Variants in VCPIP1 observed in about 807,000 individuals in gnomAD.
VCPIP1 encodes the protein valosin containing protein interacting protein 1, also known as deubiquitinating protein VCPIP1.
Under a neutral mutation model 85.0 loss-of-function variants are expected in VCPIP1, and 8 were observed. The ratio of observed to expected loss-of-function variants is 0.09; its 90% confidence interval spans 0.06 to 0.17. VCPIP1 has a LOEUF of 0.17. Ranked by LOEUF, VCPIP1 falls within the 10% of genes least tolerant of loss-of-function variation. The pLI is 1.00. For missense variants in VCPIP1, 1,070 were observed against 1,486.3 expected (o/e 0.72, Z 4.61); for synonymous variants, 543 against 544.5 (o/e 1.00, Z 0.04).
intron 2 of VCPIP1, among the ~76,000 whole-genome samples, chr8:66,648,709 C>G (rs1473632870): frequency 1.3e-5 from 2 of 152,080 alleles, no homozygotes; most frequent in African/African-American, 4.8e-5. Flanking sequence ...CGTGCACCAC[C>G]ACACCCGGCT....
At chr8:66,654,679 C>T (rs547965768) in intron 1 of VCPIP1, among the ~76,000 whole-genome samples, 42 of 152,326 alleles carry the variant, frequency 2.8e-4, no homozygotes, top group African/African-American at 9.6e-4. Flanking sequence ...TGACACTTTG[C>T]ACAAGTCCTG....
In VCPIP1 at chr8:66,633,106, C is replaced by G. The variant is rs1263830644; in HGVS notation, c.*1395G>C. The G allele has an allele frequency of 6.6e-6, 1 of 152,446 alleles. No homozygotes were observed. Among genetic ancestry groups the G allele is most frequent in the East Asian group, 1.9e-4 (1 of 5,202 alleles). 9.4% of individuals were successfully genotyped at this position (152,446 alleles called of 1,614,324 possible). On this transcript the variant is annotated 3_prime_UTR_variant, in exon 3 of 3. Coordinates refer to ENST00000310421, the MANE Select transcript of VCPIP1 (RefSeq NM_025054.5). ...ACACAAGTTAAAGTACTGTCTATAT[C>G]CCTTATGAATCAACAGGCAGAGATT...
intron 2 of VCPIP1, among the ~76,000 whole-genome samples, chr8:66,639,659 A>G (rs1201531731): frequency 6.6e-6 from 1 of 152,224 alleles, no homozygotes; most frequent in Non-Finnish European, 1.5e-5. Flanking sequence ...CTTTCCAAAA[A>G]TGAAGAACAG....
intron 2 of VCPIP1, among the ~76,000 whole-genome samples, chr8:66,636,784 G>A (rs1810891691): frequency 6.6e-6 from 1 of 151,910 alleles, no homozygotes; most frequent in Admixed American, 6.6e-5. Context: ...GAACCCAAGA[G>A]GCGGAGGCTG....
chr8:66,645,874 A>G (rs1313720713), intron 2 of VCPIP1, among the ~76,000 whole-genome samples: 1 of 152,034 alleles, frequency 6.6e-6, no homozygotes, highest in African/African-American at 2.4e-5. Context: ...ACGATGCAGT[A>G]AACTGTGATT....
chr8:66,636,894 A>C (rs1355551172), intron 2 of VCPIP1, among the ~76,000 whole-genome samples: 7 of 152,056 alleles, frequency 4.6e-5, no homozygotes, highest in Admixed American at 2.0e-4. Flanking sequence ...GATGCCTGAT[A>C]TATACAGTAA....
rs1810867934 is a variant in VCPIP1, at chr8:66,634,789, T to C, written c.3381A>G (p.Gln1127=). The change falls in exon 3 of 3, where the codon CAA becomes CAG. Residue 1127 remains glutamine, a synonymous_variant. Coordinates refer to ENST00000310421, the MANE Select transcript of VCPIP1 (RefSeq NM_025054.5). ...GATCAGATGGTGACTGCTCTGTACT[T>C]TGATCCCGAAGGTGCCTGTCCATTG... The part of the protein sequence containing the change: ...QASMDRHLRD[Q]STEQSPSDLP... 1.9e-6 allele frequency: 3 copies of C among 1,614,240 alleles called. No individual in the cohort carries two copies. In the South Asian group the frequency reaches 3.3e-5, roughly 18 times the overall value.
intron 1 of VCPIP1, among the ~76,000 whole-genome samples, chr8:66,652,735 T>G (rs1456889699): frequency 1.3e-5 from 2 of 152,056 alleles, no homozygotes; most frequent in Non-Finnish European, 2.9e-5. Flanking sequence ...AGTAAGAAAT[T>G]TCAAATAAAA....
chr8:66,651,663 G>C (rs1229560610), intron 1 of VCPIP1, 119 bp from the exon 2 acceptor site: 1 of 673,078 alleles, frequency 1.5e-6, no homozygotes, highest in Non-Finnish European at 2.5e-6. Context: ...GAGTGAAACA[G>C]CCTGACACGC....
intron 1 of VCPIP1, among the ~76,000 whole-genome samples, chr8:66,663,576 T>C (rs953631757): frequency 8.5e-5 from 13 of 152,228 alleles, no homozygotes; most frequent in Non-Finnish European, 1.6e-4. Context: ...CTTTAATTTA[T>C]GCTGATTAAA....
intron 2 of VCPIP1, among the ~76,000 whole-genome samples, chr8:66,641,439 T>C (rs1227453146): frequency 3.9e-5 from 6 of 152,126 alleles, no homozygotes; most frequent in Non-Finnish European, 5.9e-5. Context: ...AGTGCAATCA[T>C]AGCTCACTGC....
chr8:66,664,098 A>G, intron 1 of VCPIP1, 151 bp downstream of exon 1: 1 of 1,041,938 alleles, frequency 9.6e-7, no homozygotes, highest in South Asian at 2.8e-5. Context: ...ACATCTATCA[A>G]CTGTTCAAAA....
chr8:66,656,440 G>A (rs1198630001), intron 1 of VCPIP1, among the ~76,000 whole-genome samples: 1 of 152,134 alleles, frequency 6.6e-6, no homozygotes, highest in Admixed American at 6.5e-5. Context: ...CCATCCTCCT[G>A]CCTTGGCCTC....
At chr8:66,647,346 CA>C (rs1350169731) in intron 2 of VCPIP1, among the ~76,000 whole-genome samples, 1 of 151,396 alleles carries the variant, frequency 6.6e-6, no homozygotes, top group Non-Finnish European at 1.5e-5. Flanking sequence ...ATCTCAAAAA[CA>C]TAAGTAAGTA....
Position 66,633,971 on chromosome 8 carries a change from T to C in VCPIP1, c.*530A>G, listed in dbSNP as rs16932996. ...AGATATTTTCGCCAAGAAATCTCTA[T>C]GAATGTGTTTACGTTCATAGAAACA... On this transcript the variant is annotated 3_prime_UTR_variant, in exon 3 of 3. Coordinates refer to ENST00000310421, the MANE Select transcript of VCPIP1 (RefSeq NM_025054.5). 12,489 of 152,292 alleles carry C rather than the reference T, an allele frequency of 0.082. 1,028 individuals are homozygous for C. The highest frequency in any genetic ancestry group is 0.2 in the African/African-American group (8,455 of 41,520). 9.4% of individuals were successfully genotyped at this position (152,292 alleles called of 1,614,324 possible).
chr8:66,634,706 G>T lies in VCPIP1; in HGVS notation c.3464C>A (p.Thr1155Asn), dbSNP rs180682000. Residue 1155 changes from threonine (T) to asparagine (N), a missense_variant, in exon 3 of 3, where the codon ACT becomes AAT. Transcript: ENST00000310421. ...SSSAKSGSLQ[T>N]GLPESFPLTG... ...TAAAGGAAAAGATTCAGGCAAACCA[G>T]TCTGAAGACTCCCAGACTTTGCAGA... The T allele has an allele frequency of 6.2e-7, 1 of 1,614,182 alleles. No individual in the cohort carries two copies. Among genetic ancestry groups the T allele is most frequent in the East Asian group, 2.2e-5 (1 of 44,888 alleles).
In VCPIP1 at chr8:66,664,747, C is replaced by G. The variant is rs1249532461; in HGVS notation, c.2212G>C (p.Glu738Gln). 3 of 1,612,648 alleles carry G rather than the reference C, an allele frequency of 1.9e-6. No homozygotes were observed. Among genetic ancestry groups the G allele is most frequent in the South Asian group, 1.1e-5 (1 of 90,954 alleles). Residue 738 changes from glutamate (E) to glutamine (Q), a missense_variant, in exon 1 of 3, where the codon GAA becomes CAA. Coordinates refer to ENST00000310421, the MANE Select transcript of VCPIP1 (RefSeq NM_025054.5). The part of the protein sequence containing the change: ...QKRKTEKLKQ[E>Q]QKGQPRTVSP... ...ACAGTCCTGGGTTGCCCTTTTTGTTCTTGTTTTAACTTCTCTGTTTTCCGT... is the reference window on the plus strand; with the variant it reads ...ACAGTCCTGGGTTGCCCTTTTTGTTGTTGTTTTAACTTCTCTGTTTTCCGT...
At chr8:66,646,216 G>A (rs1162690729) in intron 2 of VCPIP1, among the ~76,000 whole-genome samples, 5 of 151,896 alleles carry the variant, frequency 3.3e-5, no homozygotes, top group Non-Finnish European at 7.4e-5. Context: ...GGGATTATGG[G>A]CGCATGCCAC....
At chr8:66,654,698 TC>T (rs1811083060) in intron 1 of VCPIP1, among the ~76,000 whole-genome samples, 1 of 152,220 alleles carries the variant, frequency 6.6e-6, no homozygotes, top group Non-Finnish European at 1.5e-5. Context: ...TGCACCACTC[TC>T]CTATGGCTCT....
Sources: allele counts gnomAD v4.1 joint callset (sites outside exome capture counted in the v4.1 genomes callset), GRCh38; gene constraint gnomAD v4.1.1; transcripts MANE v1.5; gene names NCBI Gene and HGNC (gene_info 2026-07-23, HGNC 2026-07-21).